Variants in MAD1L1 observed in about 807,000 individuals in gnomAD.
MAD1L1 encodes the protein mitotic arrest deficient 1 like 1.
Under a neutral mutation model 96.9 loss-of-function variants are expected in MAD1L1, and 95 were observed. The observed-to-expected ratio is 0.98, with a 90% CI of 0.83 to 1.16. The LOEUF is 1.16. Ranked by LOEUF, MAD1L1 falls within the 50% of genes most tolerant of loss-of-function variation. The probability of loss-of-function intolerance (pLI) is 0.00; values close to 1 mark genes in which losing one functional copy is unlikely to be tolerated. For missense variants in MAD1L1, 1,007 were observed against 954.4 expected, an observed-to-expected ratio of 1.06 and a Z score of -0.73; for synonymous variants, 473 against 396.6, an observed-to-expected ratio of 1.19 and a Z score of -2.29.
At chr7:2,198,504 G>A (rs2079566) in intron 10 of MAD1L1, among the ~76,000 whole-genome samples, 11,340 of 152,302 alleles carry the variant, frequency 0.074, 735 homozygotes, top group African/African-American at 0.17. Flanking sequence ...AGGAGCGCTG[G>A]CATCGCCGGA....
At chr7:2,100,008 G>A (rs1027289356) in intron 11 of MAD1L1, among the ~76,000 whole-genome samples, 1 of 152,246 alleles carries the variant, frequency 6.6e-6, no homozygotes, top group African/African-American at 2.4e-5. Flanking sequence ...ACAGGTAGAG[G>A]TCATTCCTTA....
chr7:2,115,693 C>T (rs1028816668), intron 11 of MAD1L1, among the ~76,000 whole-genome samples: 2 of 152,252 alleles, frequency 1.3e-5, no homozygotes, highest in Non-Finnish European at 2.9e-5. Flanking sequence ...GCATGGTTCC[C>T]GCATGGCCAC....
Position 2,010,277 on chromosome 7 carries a change from C to T in MAD1L1, c.1359+4225G>A, listed in dbSNP as rs144941814. 2.5e-3 allele frequency among the ~76,000 whole-genome samples: 382 copies of T among 151,694 alleles called. 1 individual carries two copies. The highest frequency in any genetic ancestry group is 8.8e-3 in the African/African-American group (365 of 41,342). ...AAGTGACAGCACCCGCAGAGCTGCC[C>T]GAGCCTCTGGGAGGTCACGGGGAGG... is the stretch of plus-strand genomic sequence containing the variant. On this transcript the variant is annotated intron_variant, in intron 13 of 18. Coordinates refer to ENST00000265854, the MANE Select transcript of MAD1L1 (RefSeq NM_001013836.2).
At chr7:2,075,854 T>C (rs1481894143) in intron 11 of MAD1L1, among the ~76,000 whole-genome samples, 2 of 152,200 alleles carry the variant, frequency 1.3e-5, no homozygotes, top group East Asian at 3.8e-4. Flanking sequence ...ACACTCTTTG[T>C]CTACCTTCTC....
intron 11 of MAD1L1, among the ~76,000 whole-genome samples, chr7:2,129,745 CAG>C (rs1266261242): frequency 1.3e-5 from 2 of 152,240 alleles, no homozygotes; most frequent in African/African-American, 2.4e-5. Context: ...ACACGCATGT[CAG>C]AGACAGTCCA....
chr7:2,131,331 G>T (rs2128568147), intron 11 of MAD1L1, among the ~76,000 whole-genome samples: 1 of 152,284 alleles, frequency 6.6e-6, no homozygotes, highest in South Asian at 2.1e-4. Context: ...GTGATGAGAG[G>T]CTACATTAAA....
intron 17 of MAD1L1, among the ~76,000 whole-genome samples, chr7:1,911,825 C>T (rs936894628): frequency 1.3e-5 from 2 of 152,274 alleles, no homozygotes; most frequent in Non-Finnish European, 2.9e-5. Context: ...CTATCCCTCT[C>T]CCCTGGACTG....
intron 11 of MAD1L1, among the ~76,000 whole-genome samples, chr7:2,118,903 C>T (rs1025259580): frequency 1.3e-5 from 2 of 152,200 alleles, no homozygotes; most frequent in Admixed American, 6.5e-5. Flanking sequence ...GAAGCCACCC[C>T]GCGATTGTGC....
chr7:1,963,570 A>G (rs1780036505), intron 15 of MAD1L1, among the ~76,000 whole-genome samples: 1 of 152,338 alleles, frequency 6.6e-6, no homozygotes, highest in East Asian at 1.9e-4. Flanking sequence ...CTTACTGCAC[A>G]CCAGTTATAC....
At chr7:2,170,022 T>G (rs956656644) in intron 10 of MAD1L1, among the ~76,000 whole-genome samples, 1 of 152,124 alleles carries the variant, frequency 6.6e-6, no homozygotes, top group African/African-American at 2.4e-5. Context: ...GATGAATGCA[T>G]CCGAAGGGGC....
At chr7:1,995,790 G>A (rs181431231) in intron 14 of MAD1L1, among the ~76,000 whole-genome samples, 6 of 151,506 alleles carry the variant, frequency 4.0e-5, no homozygotes, top group African/African-American at 1.5e-4. Flanking sequence ...ACAGAACCCC[G>A]GTGCCACCAG....
intron 11 of MAD1L1, among the ~76,000 whole-genome samples, chr7:2,124,631 C>T (rs1330631966): frequency 6.6e-6 from 1 of 152,186 alleles, no homozygotes; most frequent in Non-Finnish European, 1.5e-5. Flanking sequence ...CTGAGCTCGG[C>T]AAGGAGCGTA....
At chr7:1,881,582 G>A (rs554606668) in intron 18 of MAD1L1, among the ~76,000 whole-genome samples, 1 of 152,208 alleles carries the variant, frequency 6.6e-6, no homozygotes, top group Non-Finnish European at 1.5e-5. Context: ...AATATTTTAA[G>A]TAAATTATGG....
rs374119336 is a variant in MAD1L1, at chr7:2,219,476, G to T, written c.472-20C>A. The T allele has an allele frequency of 6.2e-7, 1 of 1,611,972 alleles. No homozygotes were observed. The highest frequency in any genetic ancestry group is 8.5e-7 in the Non-Finnish European group (1 of 1,178,832). On this transcript the variant is annotated intron_variant, in intron 5 of 18. Coordinates refer to ENST00000265854, the MANE Select transcript of MAD1L1 (RefSeq NM_001013836.2). ...GATGGTCTAAAAGTAGAGGGGACCA[G>T]AGAGCCGCTCAGTGAGTGGAGCCCG...
chr7:2,008,773 G>C (rs550471195), intron 13 of MAD1L1, among the ~76,000 whole-genome samples: 59 of 127,526 alleles, frequency 4.6e-4, no homozygotes, highest in Admixed American at 1.8e-3. Flanking sequence ...GGAAGCTCAG[G>C]GGGGGAAGGA....
At chr7:2,044,905 C>T (rs888286234) in intron 12 of MAD1L1, among the ~76,000 whole-genome samples, 16 of 152,144 alleles carry the variant, frequency 1.1e-4, no homozygotes, top group African/African-American at 3.4e-4. Flanking sequence ...GAACAAAACC[C>T]GAGCCCCGGG....
At position 1,829,714 on chromosome 7, in the gene MAD1L1, C is replaced by G. The variant is rs1473292835; in HGVS notation, c.1999-13486G>C. The G allele has an allele frequency of 2.3e-4, 25 of 106,486 alleles. 1 individual carries two copies. 6.6% of individuals were successfully genotyped at this position (106,486 alleles called of 1,614,324 possible). A position where few individuals can be genotyped will look rare whatever the true frequency, so the allele number is the denominator to read the frequency against. On this transcript the variant is annotated intron_variant, in intron 18 of 18. Coordinates refer to ENST00000265854, the MANE Select transcript of MAD1L1 (RefSeq NM_001013836.2). ...ATCTGAGAAGTTCAAAGAACCCCAA[C>G]CACCAAAAAAAAAAAAAAAGGCAGG...
chr7:1,947,649 C>G (rs1335026193), intron 16 of MAD1L1, among the ~76,000 whole-genome samples: 2 of 152,154 alleles, frequency 1.3e-5, no homozygotes, highest in African/African-American at 4.8e-5. Context: ...TTCCCATCTC[C>G]TGCCCGTGGC....
At chr7:2,121,186 G>A (rs979403774) in intron 11 of MAD1L1, among the ~76,000 whole-genome samples, 1 of 152,234 alleles carries the variant, frequency 6.6e-6, no homozygotes, top group African/African-American at 2.4e-5. Flanking sequence ...GAGGCCTCAC[G>A]ATCTGAGTCT....
Sources: allele counts gnomAD v4.1 joint callset (sites outside exome capture counted in the v4.1 genomes callset), GRCh38; gene constraint gnomAD v4.1.1; transcripts MANE v1.5; gene names NCBI Gene and HGNC (gene_info 2026-07-23, HGNC 2026-07-21).